The following DCC variants were observed in gnomAD, a reference collection of about 807,000 sequenced individuals.
The protein encoded by DCC is netrin receptor DCC.
In DCC, 58 loss-of-function variants were observed where a neutral mutation model predicts 172.5. That is an observed-to-expected ratio of 0.34 (90% CI 0.27 to 0.42). The LOEUF is 0.42. DCC is among the 10% of genes least tolerant of loss of function. The pLI is 1.00. For missense variants in DCC, 1,740 were observed against 1,791.0 expected, an observed-to-expected ratio of 0.97 and a Z score of 0.51; for synonymous variants, 709 against 644.5, an observed-to-expected ratio of 1.10 and a Z score of -1.52.
At chr18:53,047,487 T>G (rs1266791842) in intron 5 of DCC, among the ~76,000 whole-genome samples, 1 of 75,160 alleles carries the variant, frequency 1.3e-5, no homozygotes, top group Non-Finnish European at 2.6e-5. Flanking sequence ...TGAGGAATCT[T>G]TTTTTTATTA....
At chr18:52,729,925 A>G (rs2036610897) in intron 1 of DCC, among the ~76,000 whole-genome samples, 1 of 152,210 alleles carries the variant, frequency 6.6e-6, no homozygotes, top group African/African-American at 2.4e-5. Flanking sequence ...GCCCAAGGCC[A>G]CACAATCAGG....
chr18:52,717,990 A>C (rs2036413241), intron 1 of DCC, among the ~76,000 whole-genome samples: 1 of 152,230 alleles, frequency 6.6e-6, no homozygotes, highest in Non-Finnish European at 1.5e-5. Context: ...AAACCTCAGC[A>C]CAGTTAATCT....
chr18:52,359,554 G>T (rs2144265872), intron 1 of DCC, among the ~76,000 whole-genome samples: 1 of 152,142 alleles, frequency 6.6e-6, no homozygotes, highest in East Asian at 1.9e-4. Context: ...CCTCCTTGTT[G>T]CTTCCTTCTT....
At chr18:52,927,964 G>A (rs746590359) in intron 5 of DCC, among the ~76,000 whole-genome samples, 4 of 152,024 alleles carry the variant, frequency 2.6e-5, no homozygotes, top group Non-Finnish European at 5.9e-5. Context: ...ATACATACAT[G>A]CGTATGTTCA....
chr18:53,215,774 A>T (rs571799033), intron 12 of DCC, among the ~76,000 whole-genome samples, 177 bp downstream of exon 12: 2 of 152,308 alleles, frequency 1.3e-5, no homozygotes, highest in East Asian at 1.9e-4. Flanking sequence ...GACTTAAGTA[A>T]ATTAAATGAA....
chr18:53,047,899 C>T (rs1245656811), intron 5 of DCC, among the ~76,000 whole-genome samples: 7 of 134,358 alleles, frequency 5.2e-5, no homozygotes, highest in Non-Finnish European at 9.3e-5. Flanking sequence ...TGTTTTCCTT[C>T]GAGATGTGTG....
intron 1 of DCC, among the ~76,000 whole-genome samples, chr18:52,361,895 C>T (rs1199604951): frequency 6.6e-6 from 1 of 152,178 alleles, no homozygotes; most frequent in Non-Finnish European, 1.5e-5. Context: ...AAATTTCCTC[C>T]AAAGGGTTGA....
chr18:53,290,651 A>C (rs2056992192), intron 12 of DCC, among the ~76,000 whole-genome samples: 1 of 152,056 alleles, frequency 6.6e-6, no homozygotes, highest in Non-Finnish European at 1.5e-5. Context: ...TAAAAAAAAA[A>C]CTGTTTCTTC....
At chr18:53,096,285 G>T (rs1897331817) in intron 7 of DCC, among the ~76,000 whole-genome samples, 1 of 152,154 alleles carries the variant, frequency 6.6e-6, no homozygotes, top group Admixed American at 6.6e-5. Flanking sequence ...GTTACAGCGA[G>T]CTATGATTGC....
chr18:52,600,775 T>A, intron 1 of DCC, among the ~76,000 whole-genome samples: 1 of 152,168 alleles, frequency 6.6e-6, no homozygotes, highest in Non-Finnish European at 1.5e-5. Context: ...TTCCTTTCCT[T>A]GACATTTAGA....
intron 1 of DCC, among the ~76,000 whole-genome samples, chr18:52,363,193 G>T (rs1250194952): frequency 6.6e-6 from 1 of 152,108 alleles, no homozygotes; most frequent in Non-Finnish European, 1.5e-5. Flanking sequence ...CACCTTTCTA[G>T]GGATAAACTT....
intron 5 of DCC, among the ~76,000 whole-genome samples, chr18:53,023,819 C>T (rs536693890): frequency 8.5e-5 from 13 of 152,242 alleles, no homozygotes; most frequent in Admixed American, 4.6e-4. Context: ...ATTGATTTGA[C>T]AGCTGCTGTA....
At chr18:52,418,190 G>A (rs1168271109) in intron 1 of DCC, among the ~76,000 whole-genome samples, 1 of 152,124 alleles carries the variant, frequency 6.6e-6, no homozygotes, top group Non-Finnish European at 1.5e-5. Flanking sequence ...TCACAATTCT[G>A]CAAGGTTAAG....
chr18:53,204,829 G>A (rs1342028315), intron 9 of DCC, among the ~76,000 whole-genome samples: 1 of 152,066 alleles, frequency 6.6e-6, no homozygotes, highest in Non-Finnish European at 1.5e-5. Context: ...TACTCCAAAT[G>A]TACTTTCTCT....
chr18:52,805,201 C>T (rs1220049795), intron 2 of DCC, among the ~76,000 whole-genome samples: 1 of 152,162 alleles, frequency 6.6e-6, no homozygotes. Flanking sequence ...CTCTGGCTTT[C>T]CTTCTCTCTG....
intron 9 of DCC, among the ~76,000 whole-genome samples, chr18:53,201,753 A>G (rs2055540710): frequency 6.6e-6 from 1 of 152,170 alleles, no homozygotes; most frequent in African/African-American, 2.4e-5. Flanking sequence ...TCGTTGTTCA[A>G]CTTTTTCTCT....
chr18:52,877,166 G>A (rs975482691), intron 2 of DCC, among the ~76,000 whole-genome samples: 2 of 152,026 alleles, frequency 1.3e-5, no homozygotes, highest in East Asian at 1.9e-4. Flanking sequence ...TGTTGACTTG[G>A]GGTCCAGATA....
At chr18:53,329,114 C>G (rs1426931899) in intron 14 of DCC, among the ~76,000 whole-genome samples, 1 of 151,984 alleles carries the variant, frequency 6.6e-6, no homozygotes, top group Non-Finnish European at 1.5e-5. Context: ...TGGAATTAGG[C>G]AGTTTTTTAA....
At chr18:53,021,190 T>C (rs973885233) in intron 5 of DCC, among the ~76,000 whole-genome samples, 1 of 152,212 alleles carries the variant, frequency 6.6e-6, no homozygotes, top group Admixed American at 6.5e-5. Context: ...AGGTTGGCTC[T>C]GAAGGGGCGA....
Sources: gnomAD v4.1 joint callset for allele counts (sites outside exome capture counted in the v4.1 genomes callset) on GRCh38, gnomAD v4.1.1 for gene constraint, MANE v1.5 for transcripts, NCBI Gene and HGNC (gene_info 2026-07-23, HGNC 2026-07-21) for gene names.